The following STXBP6 variants were observed in gnomAD, a reference collection of about 807,000 sequenced individuals.
The protein encoded by STXBP6 is syntaxin-binding protein 6.
STXBP6 carries 21 observed loss-of-function variants against 26.9 expected under a neutral mutation model. The ratio of observed to expected loss-of-function variants is 0.78; its 90% confidence interval spans 0.55 to 1.12. The LOEUF (loss-of-function observed/expected upper bound fraction) is 1.12, where lower values mean the gene tolerates loss of function less well. Among genes scored for constraint, STXBP6 ranks in the 50% most tolerant of loss-of-function variants. STXBP6 has a pLI of 0.00. For synonymous variants in STXBP6, 97 were observed against 92.6 expected (o/e 1.05, Z -0.27); for missense variants, 232 against 257.9 (o/e 0.90, Z 0.69).
chr14:24,937,617 C>CACAT (rs1555329949), intron 2 of STXBP6, among the ~76,000 whole-genome samples: 3 of 151,816 alleles, frequency 2.0e-5, no homozygotes, highest in African/African-American at 7.3e-5. Context: ...ATGTAAAACA[C>CACAT]ATATATATAT....
intron 1 of STXBP6, chr14:25,048,968 T>G (rs1168186812): frequency 1.1e-5 from 2 of 178,072 alleles, no homozygotes; most frequent in East Asian, 3.8e-4. Flanking sequence ...ACCGATCCTA[T>G]TCTCTCCCAC....
chr14:24,939,480 T>C (rs1364917952), intron 2 of STXBP6, among the ~76,000 whole-genome samples: 3 of 152,120 alleles, frequency 2.0e-5, no homozygotes, highest in African/African-American at 7.2e-5. Flanking sequence ...TTTTTTCCAG[T>C]TACAGCTCTG....
At chr14:24,876,035 G>C (rs559506286) in intron 2 of STXBP6, among the ~76,000 whole-genome samples, 2 of 152,232 alleles carry the variant, frequency 1.3e-5, no homozygotes, top group South Asian at 4.1e-4. Flanking sequence ...GTGGGTTTTT[G>C]GTGGATGCAG....
At chr14:25,038,128 C>T (rs1685166575) in intron 1 of STXBP6, among the ~76,000 whole-genome samples, 1 of 152,076 alleles carries the variant, frequency 6.6e-6, no homozygotes, top group Admixed American at 6.6e-5. Context: ...CGGAAAGATA[C>T]TAAACTTCAA....
intron 2 of STXBP6, among the ~76,000 whole-genome samples, chr14:24,919,268 G>A (rs2071888098): frequency 6.6e-6 from 1 of 151,916 alleles, no homozygotes; most frequent in Non-Finnish European, 1.5e-5. Context: ...TCTGGCATGG[G>A]TAATATGGTA....
chr14:24,920,718 A>G (rs2071948661), intron 2 of STXBP6, among the ~76,000 whole-genome samples: 1 of 151,896 alleles, frequency 6.6e-6, no homozygotes, highest in South Asian at 2.1e-4. Flanking sequence ...CATCTCCTCA[A>G]TGTTACATCC....
rs116753637 is a variant in STXBP6 at position 24,984,499 on chromosome 14, C to G, written c.-32-9649G>C. ...CAAGACACTGTGCCCTTCAATGCCT[C>G]AATTTCCCAAATGAAATTTCCAGTG... On this transcript the variant is annotated intron_variant, in intron 1 of 5. Transcript: ENST00000323944. Among the ~76,000 whole-genome samples, 1,057 of 152,322 alleles carry G rather than the reference C, an allele frequency of 6.9e-3. 11 individuals are homozygous for G. Among genetic ancestry groups the G allele is most frequent in the African/African-American group, 0.024 (992 of 41,562 alleles).
intron 1 of STXBP6, among the ~76,000 whole-genome samples, chr14:25,043,634 C>T (rs550757249): frequency 5.9e-5 from 9 of 152,320 alleles, no homozygotes; most frequent in Non-Finnish European, 1.3e-4. Flanking sequence ...CTAGCAACCA[C>T]TAATCTACTT....
At chr14:24,927,589 A>T (rs79418030) in intron 2 of STXBP6, among the ~76,000 whole-genome samples, 2,648 of 152,326 alleles carry the variant, frequency 0.017, 56 homozygotes, top group African/African-American at 0.059. Context: ...ACATCTTCAA[A>T]GAACAGTTTA....
intron 1 of STXBP6, among the ~76,000 whole-genome samples, chr14:25,034,593 A>G (rs10147992): frequency 0.48 from 73,522 of 151,976 alleles, 19,562 homozygotes; most frequent in African/African-American, 0.72. Flanking sequence ...GCCTGAACTT[A>G]GGAGTCACAT....
At chr14:24,997,480 A>G (rs1184242558) in intron 1 of STXBP6, among the ~76,000 whole-genome samples, 2 of 152,184 alleles carry the variant, frequency 1.3e-5, no homozygotes, top group East Asian at 3.8e-4. Context: ...TGCAACTTCT[A>G]TCAGTACCCA....
At chr14:24,930,498 T>C (rs529483532) in intron 2 of STXBP6, among the ~76,000 whole-genome samples, 79 of 152,320 alleles carry the variant, frequency 5.2e-4, no homozygotes, top group African/African-American at 1.8e-3. Context: ...TACTTGATTC[T>C]CTGTGAACTA....
chr14:24,818,092 T>C (rs894356065), intron 5 of STXBP6: 4 of 456,602 alleles, frequency 8.8e-6, no homozygotes, highest in Non-Finnish European at 1.3e-5. Flanking sequence ...CCAGTTATTT[T>C]CTTCCCCGAA....
chr14:24,861,640 T>G (rs1594983431), intron 2 of STXBP6, among the ~76,000 whole-genome samples: 1 of 152,210 alleles, frequency 6.6e-6, no homozygotes, highest in East Asian at 1.9e-4. Context: ...TTATAAAGCA[T>G]AAAAGCAAAA....
Position 24,939,461 on chromosome 14 carries a change from C to CT in STXBP6, c.154+35203dup, listed in dbSNP as rs35988306. 1.9e-3 allele frequency among the ~76,000 whole-genome samples: 273 copies of CT among 145,384 alleles called. 1 individual carries two copies. Among genetic ancestry groups the CT allele is most frequent in the Middle Eastern group, 3.5e-3 (1 of 282 alleles). ...ATTTTTTCAAGTAAATCTACATTAC[C>CT]TTTTTTTTTTTTTTCCAGTTACAGC... On this transcript the variant is annotated intron_variant, in intron 2 of 5. Coordinates refer to ENST00000323944, the MANE Select transcript of STXBP6 (RefSeq NM_001394410.1).
chr14:24,961,163 C>A (rs968498897), intron 2 of STXBP6, among the ~76,000 whole-genome samples: 3 of 152,070 alleles, frequency 2.0e-5, no homozygotes, highest in Non-Finnish European at 4.4e-5. Context: ...AAAACTAACA[C>A]AGGAACAGAA....
intron 1 of STXBP6, among the ~76,000 whole-genome samples, chr14:24,985,258 T>C (rs1255728889): frequency 6.6e-6 from 1 of 152,202 alleles, no homozygotes; most frequent in Non-Finnish European, 1.5e-5. Flanking sequence ...AACAGATCTC[T>C]AACTCCATAA....
At chr14:24,829,506 C>T (rs2068390892) in intron 4 of STXBP6, among the ~76,000 whole-genome samples, 1 of 152,122 alleles carries the variant, frequency 6.6e-6, no homozygotes, top group Non-Finnish European at 1.5e-5. Flanking sequence ...CCATCAGTGT[C>T]CAAGGAATAT....
intron 2 of STXBP6, among the ~76,000 whole-genome samples, chr14:24,940,839 C>A (rs1479906252): frequency 1.3e-5 from 2 of 152,036 alleles, no homozygotes; most frequent in Non-Finnish European, 2.9e-5. Flanking sequence ...GATGGTGAAA[C>A]CCCATCTCTA....
Sources: gnomAD v4.1 joint callset for allele counts (sites outside exome capture counted in the v4.1 genomes callset) on GRCh38, gnomAD v4.1.1 for gene constraint, MANE v1.5 for transcripts, NCBI Gene and HGNC (gene_info 2026-07-23, HGNC 2026-07-21) for gene names.